Variants in SPAG16 observed in about 807,000 individuals in gnomAD.
SPAG16 encodes the protein sperm associated antigen 16.
A neutral mutation model predicts 80.4 loss-of-function variants in SPAG16; 86 were observed. The observed-to-expected ratio is 1.07, with a 90% CI of 0.90 to 1.28. The LOEUF (loss-of-function observed/expected upper bound fraction) is 1.28. Ranked by LOEUF, SPAG16 falls within the 50% of genes most tolerant of loss-of-function variation. The pLI, the probability that SPAG16 is intolerant of heterozygous loss-of-function variation, is 0.00. For synonymous variants in SPAG16, 294 were observed against 265.9 expected (o/e 1.11, Z -1.03); for missense variants, 870 against 765.3 (o/e 1.14, Z -1.61).
intron 12 of SPAG16, among the ~76,000 whole-genome samples, chr2:213,984,757 C>T (rs1166958274): frequency 1.3e-5 from 2 of 152,066 alleles, no homozygotes; most frequent in Non-Finnish European, 2.9e-5. Context: ...ACTCCTTCTC[C>T]AACCATATAT....
At chr2:213,652,498 T>C (rs1243702729) in intron 10 of SPAG16, among the ~76,000 whole-genome samples, 1 of 152,164 alleles carries the variant, frequency 6.6e-6, no homozygotes, top group Non-Finnish European at 1.5e-5. Context: ...TGTCTTTTTT[T>C]ATATTTCCAG....
chr2:213,833,235 G>A (rs1260723924), intron 10 of SPAG16, among the ~76,000 whole-genome samples: 2 of 149,194 alleles, frequency 1.3e-5, no homozygotes, highest in African/African-American at 4.9e-5. Flanking sequence ...CTTGTAGACT[G>A]TAAATGCTAT....
In SPAG16 at chr2:214,318,810, C is replaced by T. The variant is rs534893126; in HGVS notation, c.1721-91330C>T. The stretch of plus-strand genomic sequence containing the variant: ...ACAGGCACCTTGTCTTCCAAACACA[C>T]GGAGTAGACTAACTTGGCTCTAGCC... On this transcript the variant is annotated intron_variant, in intron 15 of 15. Transcript: ENST00000331683. Among the ~76,000 whole-genome samples, 78 of 152,196 alleles carry T rather than the reference C, an allele frequency of 5.1e-4. 3 individuals are homozygous for T. The South Asian group carries it at 0.013, about 26-fold the overall frequency.
At chr2:213,464,812 G>A (rs1478400557) in intron 9 of SPAG16, among the ~76,000 whole-genome samples, 6 of 152,182 alleles carry the variant, frequency 3.9e-5, no homozygotes, top group Non-Finnish European at 8.8e-5. Flanking sequence ...GGAAGGCTTG[G>A]TGAAAGATTT....
intron 10 of SPAG16, among the ~76,000 whole-genome samples, chr2:213,693,786 G>T (rs1319311884): frequency 6.6e-6 from 1 of 152,098 alleles, no homozygotes; most frequent in Non-Finnish European, 1.5e-5. Flanking sequence ...TTGTAGCTTT[G>T]ATTCAAAGAA....
At chr2:214,309,521 C>A (rs886347115) in intron 15 of SPAG16, among the ~76,000 whole-genome samples, 2 of 151,942 alleles carry the variant, frequency 1.3e-5, no homozygotes, top group African/African-American at 2.4e-5. Flanking sequence ...TGTTTGTGGG[C>A]CTATCTACCT....
intron 9 of SPAG16, among the ~76,000 whole-genome samples, chr2:213,378,410 A>G (rs1182963037): frequency 1.3e-5 from 2 of 152,220 alleles, no homozygotes; most frequent in Non-Finnish European, 2.9e-5. Context: ...GACAATAATA[A>G]GGTCATAATT....
chr2:213,780,210 G>C (rs2069855991), intron 10 of SPAG16, among the ~76,000 whole-genome samples: 1 of 152,132 alleles, frequency 6.6e-6, no homozygotes, highest in Admixed American at 6.6e-5. Context: ...TTAGTGAGAG[G>C]TACTTTTACC....
In SPAG16 at chr2:213,350,587, A is replaced by T; in HGVS notation, c.704A>T (p.His235Leu). Residue 235 changes from histidine (H) to leucine (L), a missense_variant, in exon 7 of 16, where the codon CAC (histidine) becomes CTC (leucine). Transcript: ENST00000331683. ...PTIRVLHEKHHTLLKEKMLTS... is the reference protein window; with the variant it reads ...PTIRVLHEKHLTLLKEKMLTS... ...ATAAGGGTGTTACATGAGAAACACCACACTTTACTGAAGGAGAAAATGCTG... is the reference window on the plus strand; with the variant it reads ...ATAAGGGTGTTACATGAGAAACACCTCACTTTACTGAAGGAGAAAATGCTG... 1 of 1,605,010 alleles carries T rather than the reference A, an allele frequency of 6.2e-7. No individual in the cohort carries two copies. The highest frequency in any genetic ancestry group is 2.2e-5 in the East Asian group (1 of 44,576).
At chr2:213,599,841 A>G (rs2061001929) in intron 10 of SPAG16, among the ~76,000 whole-genome samples, 1 of 152,086 alleles carries the variant, frequency 6.6e-6, no homozygotes, top group African/African-American at 2.4e-5. Flanking sequence ...AGCTGGGTTT[A>G]CAGGTGCCTG....
rs75130156 is a variant in SPAG16, at chr2:213,763,149, G to A, written c.1071-99336G>A. 3.0e-3 allele frequency among the ~76,000 whole-genome samples: 452 copies of A among 152,232 alleles called. 2 individuals are homozygous for A. Among genetic ancestry groups the A allele is most frequent in the African/African-American group, 9.5e-3 (393 of 41,550 alleles). On this transcript the variant is annotated intron_variant, in intron 10 of 15. Coordinates refer to ENST00000331683, the MANE Select transcript of SPAG16 (RefSeq NM_024532.5). ...AGAAAATAAAAATTGTAAGGATATA[G>A]AGAAATCTGAATCCTTGAGTTGTGT...
At chr2:213,364,413 T>C (rs1156621410) in intron 8 of SPAG16, 2 of 194,338 alleles carry the variant, frequency 1.0e-5, no homozygotes, top group African/African-American at 2.3e-5. Context: ...TAAATAACTC[T>C]AAAGCTAAGC....
chr2:213,371,396 CAA>C (rs1161878780), intron 8 of SPAG16, among the ~76,000 whole-genome samples: 47 of 47,292 alleles, frequency 9.9e-4, no homozygotes, highest in Middle Eastern at 0.015. Context: ...GACCGTGTCT[CAA>C]AAAAAAAAAA....
chr2:214,360,291 A>G (rs1699101753), intron 15 of SPAG16, among the ~76,000 whole-genome samples: 1 of 151,914 alleles, frequency 6.6e-6, no homozygotes, highest in African/African-American at 2.4e-5. Flanking sequence ...TTGAGCAAGA[A>G]AAACAAATAT....
intron 13 of SPAG16, among the ~76,000 whole-genome samples, chr2:214,101,026 C>T (rs2052980354): frequency 6.6e-6 from 1 of 152,024 alleles, no homozygotes; most frequent in Non-Finnish European, 1.5e-5. Context: ...TAAGCATTAG[C>T]ACTTTAATGA....
At chr2:214,072,692 A>T (rs1376177803) in intron 13 of SPAG16, among the ~76,000 whole-genome samples, 1 of 152,204 alleles carries the variant, frequency 6.6e-6, no homozygotes, top group Non-Finnish European at 1.5e-5. Context: ...TAAGATATTT[A>T]AAAATAGAAT....
At chr2:214,017,002 C>T (rs573361083) in intron 13 of SPAG16, among the ~76,000 whole-genome samples, 13 of 152,026 alleles carry the variant, frequency 8.6e-5, no homozygotes, top group Non-Finnish European at 1.5e-4. Context: ...CCTGTTTAGA[C>T]CTCTGAGGCC....
chr2:213,789,424 G>T (rs2070548371), intron 10 of SPAG16, among the ~76,000 whole-genome samples: 1 of 151,880 alleles, frequency 6.6e-6, no homozygotes, highest in South Asian at 2.1e-4. Context: ...AAGTAATATT[G>T]CAATGCTGAG....
At chr2:213,691,638 A>G (rs1354968386) in intron 10 of SPAG16, among the ~76,000 whole-genome samples, 1 of 152,208 alleles carries the variant, frequency 6.6e-6, no homozygotes, top group Admixed American at 6.5e-5. Context: ...ATAGGCAAGG[A>G]TAGCTAGAAA....
Sources: allele counts gnomAD v4.1 joint callset (sites outside exome capture counted in the v4.1 genomes callset), GRCh38; gene constraint gnomAD v4.1.1; transcripts MANE v1.5; gene names NCBI Gene and HGNC (gene_info 2026-07-23, HGNC 2026-07-21).